The following CNTN5 variants were observed in gnomAD, a reference collection of about 807,000 sequenced individuals.
The protein encoded by CNTN5 is contactin-5.
Under a neutral mutation model 129.1 loss-of-function variants are expected in CNTN5, and 77 were observed. That is an observed-to-expected ratio of 0.60 (90% CI 0.50 to 0.72). The LOEUF is 0.72. Ranked by LOEUF, CNTN5 falls within the 30% of genes least tolerant of loss-of-function variation. The probability of loss-of-function intolerance (pLI) is 0.00; values close to 1 mark genes in which losing one functional copy is unlikely to be tolerated. For synonymous variants in CNTN5, 509 were observed against 465.6 expected (o/e 1.09, Z -1.20); for missense variants, 1,478 against 1,328.8 (o/e 1.11, Z -1.75).
chr11:100,244,628 T>C (rs951972075), intron 16 of CNTN5, among the ~76,000 whole-genome samples: 2 of 152,206 alleles, frequency 1.3e-5, no homozygotes, highest in Non-Finnish European at 2.9e-5. Context: ...ATGTTTTTGC[T>C]CTAAAATTCT....
At chr11:99,422,431 G>A (rs1000873980) in intron 2 of CNTN5, among the ~76,000 whole-genome samples, 1 of 149,356 alleles carries the variant, frequency 6.7e-6, no homozygotes, top group Non-Finnish European at 1.5e-5. Context: ...AGGTAGAGGT[G>A]GGAACAAAAT....
intron 16 of CNTN5, among the ~76,000 whole-genome samples, chr11:100,231,957 C>A (rs1232897518): frequency 2.6e-5 from 4 of 152,118 alleles, no homozygotes; most frequent in African/African-American, 9.7e-5. Flanking sequence ...AGATCGAGAC[C>A]AGCCTGGCCA....
At chr11:100,094,800 G>GGAAA (rs1157011040) in intron 13 of CNTN5, among the ~76,000 whole-genome samples, 1 of 147,054 alleles carries the variant, frequency 6.8e-6, no homozygotes, top group Non-Finnish European at 1.5e-5. Flanking sequence ...AAGGAAGGAA[G>GGAAA]GAAGGAAGGA....
At chr11:99,722,932 C>T (rs1416839081) in intron 3 of CNTN5, among the ~76,000 whole-genome samples, 2 of 152,060 alleles carry the variant, frequency 1.3e-5, no homozygotes, top group Non-Finnish European at 2.9e-5. Context: ...TCCTCAGACA[C>T]TTATTTCCAT....
At chr11:100,133,328 A>G (rs957458639) in intron 13 of CNTN5, among the ~76,000 whole-genome samples, 1 of 152,108 alleles carries the variant, frequency 6.6e-6, no homozygotes, top group Non-Finnish European at 1.5e-5. Context: ...TAACTGTTCC[A>G]TTTAGGATGT....
intron 3 of CNTN5, among the ~76,000 whole-genome samples, chr11:99,598,241 T>C: frequency 4.3e-5 from 3 of 70,244 alleles, no homozygotes; most frequent in East Asian, 6.6e-4. Context: ...CTTCTTTCCT[T>C]CCTTTTTCTT....
rs559008317 is a variant in CNTN5 at position 99,649,067 on chromosome 11, AC to A, written c.55+92799del. On this transcript the variant is annotated intron_variant, in intron 3 of 24. Transcript: ENST00000524871. ...AGAAGATATTGAAAGTTCCCAATAA[AC>A]AAAAAATGATAAATATTTGAGAATC... Among the ~76,000 whole-genome samples, 278 of 151,830 alleles carry A rather than the reference AC, an allele frequency of 1.8e-3. 2 individuals are homozygous for A. Among genetic ancestry groups the A allele is most frequent in the African/African-American group, 6.3e-3 (263 of 41,480 alleles).
chr11:99,752,674 ATAAAG>A (rs1440569216), intron 3 of CNTN5, among the ~76,000 whole-genome samples: 2 of 152,220 alleles, frequency 1.3e-5, no homozygotes, highest in Admixed American at 1.3e-4. Flanking sequence ...TTCTACATAA[ATAAAG>A]GGCTTCATTA....
At chr11:99,726,968 G>C (rs953645268) in intron 3 of CNTN5, among the ~76,000 whole-genome samples, 1 of 152,100 alleles carries the variant, frequency 6.6e-6, no homozygotes, top group Non-Finnish European at 1.5e-5. Context: ...TCTTAGTCTA[G>C]TTTTTGTTCT....
chr11:99,453,710 G>C (rs1033243759), intron 2 of CNTN5, among the ~76,000 whole-genome samples: 1 of 152,110 alleles, frequency 6.6e-6, no homozygotes, highest in Non-Finnish European at 1.5e-5. Flanking sequence ...TGTGTCCTTA[G>C]GTTCCTTTTT....
intron 3 of CNTN5, among the ~76,000 whole-genome samples, chr11:99,661,458 C>A (rs957171163): frequency 6.6e-6 from 1 of 151,924 alleles, no homozygotes; most frequent in African/African-American, 2.4e-5. Flanking sequence ...CAAGAATAAG[C>A]AATCACTTAA....
chr11:99,303,300 G>A (rs1036361832), intron 1 of CNTN5, among the ~76,000 whole-genome samples: 8 of 151,114 alleles, frequency 5.3e-5, no homozygotes, highest in South Asian at 2.1e-4. Flanking sequence ...TTTTGTAAGC[G>A]CTTAACTCAC....
At chr11:99,479,772 C>T (rs1250443908) in intron 2 of CNTN5, among the ~76,000 whole-genome samples, 1 of 151,678 alleles carries the variant, frequency 6.6e-6, no homozygotes, top group Non-Finnish European at 1.5e-5. Flanking sequence ...TAATTTTCAC[C>T]TCCAGCAACA....
chr11:99,452,265 G>T (rs900193678), intron 2 of CNTN5, among the ~76,000 whole-genome samples: 3 of 151,144 alleles, frequency 2.0e-5, no homozygotes, highest in Non-Finnish European at 2.9e-5. Context: ...ATAGTGTCTC[G>T]TCAGCACTAA....
At chr11:99,366,248 A>G (rs1035624141) in intron 2 of CNTN5, among the ~76,000 whole-genome samples, 1 of 151,712 alleles carries the variant, frequency 6.6e-6, no homozygotes, top group Non-Finnish European at 1.5e-5. Flanking sequence ...TCTTGTAAGG[A>G]AGTGATTTCC....
rs1417732458 is a variant in CNTN5 at position 99,382,845 on chromosome 11, C to CCTTTTTTTTTTTTTT, written c.-71+57361_-71+57362insCTTTTTTTTTTTTTT. On this transcript the variant is annotated intron_variant, in intron 2 of 24. Transcript: ENST00000524871. ...ACATCTCACTAGTGTCTCTAAATAA[C>CCTTTTTTTTTTTTTT]TTTTTTTTTTTTTTTTTTTTTTTTT... is the stretch of plus-strand genomic sequence containing the variant. Among the ~76,000 whole-genome samples, 10 of 77,046 alleles carry CCTTTTTTTTTTTTTT rather than the reference C, an allele frequency of 1.3e-4. No homozygotes were observed. The East Asian group carries it at 2.6e-3, about 20-fold the overall frequency. The allele number at this position is 77,046 out of a possible 152,430, so 50.5% of individuals were successfully genotyped here.
intron 1 of CNTN5, among the ~76,000 whole-genome samples, chr11:99,062,194 G>A (rs1864911837): frequency 6.6e-6 from 1 of 152,064 alleles, no homozygotes; most frequent in Admixed American, 6.6e-5. Context: ...CTGTGCTGAT[G>A]GCTTCAGCAG....
intron 2 of CNTN5, among the ~76,000 whole-genome samples, chr11:99,376,907 A>G (rs1054040465): frequency 3.3e-5 from 5 of 152,202 alleles, no homozygotes; most frequent in Admixed American, 3.3e-4. Flanking sequence ...AGTAGTGAAC[A>G]GAATTCGATT....
chr11:99,218,819 G>A (rs1475893333), intron 1 of CNTN5, among the ~76,000 whole-genome samples: 1 of 152,032 alleles, frequency 6.6e-6, no homozygotes, highest in East Asian at 1.9e-4. Flanking sequence ...AAGGTTAGTT[G>A]GTGTATGGAA....
Sources: gnomAD v4.1 joint callset for allele counts (sites outside exome capture counted in the v4.1 genomes callset) on GRCh38, gnomAD v4.1.1 for gene constraint, MANE v1.5 for transcripts, NCBI Gene and HGNC (gene_info 2026-07-23, HGNC 2026-07-21) for gene names.